The following ANO10 variants were observed in gnomAD, a reference collection of about 807,000 sequenced individuals.
ANO10 encodes anoctamin 10, also known as anoctamin-10.
Under a neutral mutation model 74.7 loss-of-function variants are expected in ANO10, and 77 were observed. The observed-to-expected ratio is 1.03, with a 90% CI of 0.86 to 1.25. The LOEUF (loss-of-function observed/expected upper bound fraction) is 1.25. ANO10 is among the 50% of genes most tolerant of loss of function. The probability of loss-of-function intolerance (pLI) is 0.00; values close to 1 mark genes in which losing one functional copy is unlikely to be tolerated. For synonymous variants in ANO10, 279 were observed against 284.9 expected (o/e 0.98, Z 0.21); for missense variants, 721 against 778.1 (o/e 0.93, Z 0.87).
intron 12 of ANO10, among the ~76,000 whole-genome samples, chr3:43,382,515 T>A (rs1410028002): frequency 3.0e-5 from 4 of 132,362 alleles, no homozygotes; most frequent in Admixed American, 7.7e-5. Flanking sequence ...CGAGACTCCG[T>A]CTCAAAAAAA....
intron 8 of ANO10, among the ~76,000 whole-genome samples, chr3:43,562,136 C>T (rs1351397272): frequency 6.6e-6 from 1 of 151,902 alleles, no homozygotes; most frequent in Non-Finnish European, 1.5e-5. Flanking sequence ...TTTGAGAGGC[C>T]AAGGCGGGCA....
At chr3:43,561,448 A>C (rs538683910) in intron 8 of ANO10, 46 bp from the exon 9 acceptor site, 2 of 1,503,042 alleles carry the variant, frequency 1.3e-6, no homozygotes, top group Admixed American at 1.7e-5. Flanking sequence ...CAGCTTAATA[A>C]AACTATAGCA....
At chr3:43,376,972 G>C (rs1393262789) in intron 12 of ANO10, among the ~76,000 whole-genome samples, 1 of 152,188 alleles carries the variant, frequency 6.6e-6, no homozygotes, top group East Asian at 1.9e-4. Context: ...GATGTTACTA[G>C]GACATTGTCC....
chr3:43,597,984 A>T (rs2082170673), intron 4 of ANO10, among the ~76,000 whole-genome samples: 1 of 152,152 alleles, frequency 6.6e-6, no homozygotes, highest in Non-Finnish European at 1.5e-5. Flanking sequence ...TTACATGTTT[A>T]AAGTGTCTTT....
At chr3:43,558,019 C>T (rs146451606) in intron 9 of ANO10, among the ~76,000 whole-genome samples, 14 of 148,990 alleles carry the variant, frequency 9.4e-5, no homozygotes, top group Non-Finnish European at 1.3e-4. Context: ...GTAGAAGGAT[C>T]GCTTGAGCCT....
At chr3:43,516,123 T>G (rs2077701515) in intron 11 of ANO10, among the ~76,000 whole-genome samples, 1 of 152,204 alleles carries the variant, frequency 6.6e-6, no homozygotes, top group South Asian at 2.1e-4. Flanking sequence ...ATGCCAACTC[T>G]GAATACAGCA....
chr3:43,636,071 T>C (rs2149561301), intron 1 of ANO10, among the ~76,000 whole-genome samples: 1 of 152,112 alleles, frequency 6.6e-6, no homozygotes, highest in African/African-American at 2.4e-5. Context: ...TAGTGTAGGT[T>C]TCCCCGGAAG....
intron 1 of ANO10, among the ~76,000 whole-genome samples, chr3:43,620,516 G>C (rs1453298596): frequency 6.6e-6 from 1 of 152,106 alleles, no homozygotes; most frequent in African/African-American, 2.4e-5. Context: ...AGTGGCTCAC[G>C]TCTGTAATCC....
chr3:43,394,669 C>T (rs1237096108), intron 12 of ANO10, among the ~76,000 whole-genome samples: 1 of 152,182 alleles, frequency 6.6e-6, no homozygotes, highest in Non-Finnish European at 1.5e-5. Context: ...ACCTAAGCAG[C>T]CTATCTTGGC....
At chr3:43,511,448 C>T (rs542478074) in intron 11 of ANO10, among the ~76,000 whole-genome samples, 146 of 152,244 alleles carry the variant, frequency 9.6e-4, no homozygotes, top group Middle Eastern at 3.4e-3. Flanking sequence ...ATTAAATTAA[C>T]GTCTAACATC....
At chr3:43,421,528 TAAAG>T (rs577512918) in intron 12 of ANO10, among the ~76,000 whole-genome samples, 98 of 145,334 alleles carry the variant, frequency 6.7e-4, no homozygotes, top group African/African-American at 2.4e-3. Context: ...TCTCAAAAAA[TAAAG>T]AAAAGAAAAG....
chr3:43,610,643 A>G (rs1356272642), intron 1 of ANO10, among the ~76,000 whole-genome samples: 1 of 152,196 alleles, frequency 6.6e-6, no homozygotes, highest in African/African-American at 2.4e-5. Flanking sequence ...TGTTGACCAA[A>G]ATGTCATTAT....
In ANO10 at chr3:43,621,903, A is replaced by C. The variant is rs887965054; in HGVS notation, c.-12+6T>G. On this transcript the variant is annotated splice_donor_region_variant and intron_variant, in intron 1 of 12. Coordinates refer to ENST00000292246, the MANE Select transcript of ANO10 (RefSeq NM_018075.5). ...TGGGGGGTCCGAGGTGCCCTCCCCG[A>C]CTCACCAGCCGCCGCAGCGCTCCAC... 2 of 152,060 alleles carry C rather than the reference A, an allele frequency of 1.3e-5. No individual in the cohort carries two copies. The highest frequency in any genetic ancestry group is 4.8e-5 in the African/African-American group (2 of 41,300). 9.4% of individuals were successfully genotyped at this position (152,060 alleles called of 1,614,324 possible). A position where few individuals can be genotyped will look rare whatever the true frequency, so the allele number is the denominator to read the frequency against.
At chr3:43,590,014 G>C (rs2081653462) in intron 4 of ANO10, among the ~76,000 whole-genome samples, 1 of 152,168 alleles carries the variant, frequency 6.6e-6, no homozygotes, top group Non-Finnish European at 1.5e-5. Context: ...CATGGGACAG[G>C]AAAGAGACAA....
At chr3:43,429,512 C>T (rs2092949510) in intron 12 of ANO10, among the ~76,000 whole-genome samples, 1 of 152,116 alleles carries the variant, frequency 6.6e-6, no homozygotes, top group African/African-American at 2.4e-5. Flanking sequence ...CTGCCCCCAT[C>T]TACAAAATGT....
At chr3:43,395,645 C>G (rs1364257047) in intron 12 of ANO10, among the ~76,000 whole-genome samples, 1 of 152,086 alleles carries the variant, frequency 6.6e-6, no homozygotes, top group African/African-American at 2.4e-5. Flanking sequence ...CTACACTATT[C>G]CCCCCTGTAT....
intron 11 of ANO10, among the ~76,000 whole-genome samples, chr3:43,439,315 A>G (rs913367516): frequency 6.6e-6 from 1 of 151,358 alleles, no homozygotes; most frequent in Admixed American, 6.6e-5. Flanking sequence ...GGAGAGAAAT[A>G]AAGACCTTTC....
At chr3:43,568,935 C>T (rs1382110943) in intron 7 of ANO10, among the ~76,000 whole-genome samples, 1 of 147,078 alleles carries the variant, frequency 6.8e-6, no homozygotes, top group East Asian at 2.0e-4. Flanking sequence ...TGATAGACCG[C>T]TAGCAAGACT....
intron 5 of ANO10, among the ~76,000 whole-genome samples, chr3:43,579,497 C>T (rs1375596441): frequency 6.6e-6 from 1 of 152,202 alleles, no homozygotes; most frequent in Non-Finnish European, 1.5e-5. Context: ...GTGGGTGGAT[C>T]ACCTAAGGTC....
Sources: gnomAD v4.1 joint callset for allele counts (sites outside exome capture counted in the v4.1 genomes callset) on GRCh38, gnomAD v4.1.1 for gene constraint, MANE v1.5 for transcripts, NCBI Gene and HGNC (gene_info 2026-07-23, HGNC 2026-07-21) for gene names.